Variants in ACKR4 observed in about 807,000 individuals in gnomAD.
The protein encoded by ACKR4 is atypical chemokine receptor 4.
In ACKR4, 2 loss-of-function variants were observed where a neutral mutation model predicts 8.5. That is an observed-to-expected ratio of 0.23 (90% confidence interval 0.10 to 0.74). The LOEUF (loss-of-function observed/expected upper bound fraction) is 0.74. Among genes scored for constraint, ACKR4 ranks in the 30% least tolerant of loss-of-function variants. ACKR4 has a pLI of 0.75. For missense variants in ACKR4, 167 were observed against 422.1 expected (o/e 0.40, Z 5.30); for synonymous variants, 67 against 145.0 (o/e 0.46, Z 3.86).
In ACKR4 at chr3:132,600,554, G is replaced by A. The variant is rs141021878; in HGVS notation, c.157G>A (p.Val53Ile). 73 of 1,613,918 alleles carry A rather than the reference G, an allele frequency of 4.5e-5. No individual in the cohort carries two copies. The highest frequency in any genetic ancestry group is 2.0e-4 in the South Asian group (18 of 91,078). ...FLPVFLTIVF[V>I]IGLAGNSMVV... Reference sequence around the variant, plus strand: ...CCCTGTATTCCTCACAATAGTTTTCGTCATTGGACTTGCAGGCAATTCCAT... The same window carrying A: ...CCCTGTATTCCTCACAATAGTTTTCATCATTGGACTTGCAGGCAATTCCAT... The change falls in exon 2 of 2, where the codon GTC (valine) becomes ATC (isoleucine). Residue 53 changes from valine (V) to isoleucine (I), a missense_variant. Physicochemically the swap from Val to Ile is conservative, Grantham distance 29. Coordinates refer to ENST00000249887, the MANE Select transcript of ACKR4 (RefSeq NM_016557.4).
Position 132,602,471 on chromosome 3 carries a change from T to C in ACKR4, c.*1021T>C, listed in dbSNP as rs2107824058. Among the ~76,000 whole-genome samples, 1 of 152,330 alleles carries C rather than the reference T, an allele frequency of 6.6e-6. No homozygotes were observed. The highest frequency in any genetic ancestry group is 6.5e-5 in the Admixed American group (1 of 15,306). On this transcript the variant is annotated 3_prime_UTR_variant, in exon 2 of 2. Coordinates refer to ENST00000249887, the MANE Select transcript of ACKR4 (RefSeq NM_016557.4). ...ACATTATCCCATGCATAAAATGTCC[T>C]ATTTTCATTTAAACACTTTATTTTT...
rs1211892504 is a variant in ACKR4, at chr3:132,600,823, T to A, written c.426T>A (p.Thr142=). 2.5e-6 allele frequency: 4 copies of A among 1,614,048 alleles called. No individual in the cohort carries two copies. Among genetic ancestry groups the A allele is most frequent in the Non-Finnish European group, 3.4e-6 (4 of 1,179,880 alleles). ...GCATAGACAGATATGTGGCAGTAACTAAAGTCCCCAGCCAATCAGGAGTGG... is the reference window on the plus strand; with the variant it reads ...GCATAGACAGATATGTGGCAGTAACAAAAGTCCCCAGCCAATCAGGAGTGG... ...CISIDRYVAV[T]KVPSQSGVGK... is the part of the protein sequence containing the mutation. Residue 142 remains threonine, a synonymous_variant, in exon 2 of 2, where the codon ACT becomes ACA. Coordinates refer to ENST00000249887, the MANE Select transcript of ACKR4 (RefSeq NM_016557.4).
At chr3:132,598,386 C>A (rs1258801168) in intron 1 of ACKR4, among the ~76,000 whole-genome samples, 4 of 152,174 alleles carry the variant, frequency 2.6e-5, no homozygotes, top group Non-Finnish European at 5.9e-5. Context: ...CAGCTTTATA[C>A]CTGTTGGCAA....
chr3:132,599,096 T>C (rs900484581), intron 1 of ACKR4, among the ~76,000 whole-genome samples: 2 of 152,178 alleles, frequency 1.3e-5, no homozygotes, highest in African/African-American at 4.8e-5. Context: ...GTAGATTGCT[T>C]GAGCCCAGGA....
intron 1 of ACKR4, among the ~76,000 whole-genome samples, chr3:132,597,584 C>A (rs1448776607): frequency 2.0e-5 from 3 of 151,844 alleles, no homozygotes; most frequent in African/African-American, 7.3e-5. Context: ...TTTTATTATA[C>A]CACTTTTTTT....
chr3:132,599,933 A>G (rs1418287118), intron 1 of ACKR4, among the ~76,000 whole-genome samples: 2 of 152,188 alleles, frequency 1.3e-5, no homozygotes, highest in Non-Finnish European at 2.9e-5. Context: ...ATTTAAATAA[A>G]CCAAGTAATT....
rs1467899278 is a variant in ACKR4 at position 132,601,926 on chromosome 3, T to C, written c.*476T>C. On this transcript the variant is annotated 3_prime_UTR_variant, in exon 2 of 2. Coordinates refer to ENST00000249887, the MANE Select transcript of ACKR4 (RefSeq NM_016557.4). ...TCTGTACCATCTTTGTAACTTCCTGTGAATTTATAATAATTTCAAAATAAA... is the reference window on the plus strand; with the variant it reads ...TCTGTACCATCTTTGTAACTTCCTGCGAATTTATAATAATTTCAAAATAAA... 5.7e-6 allele frequency: 1 copy of C among 175,610 alleles called. No homozygotes were observed. The highest frequency in any genetic ancestry group is 1.3e-5 in the Non-Finnish European group (1 of 74,218). 10.9% of individuals were successfully genotyped at this position (175,610 alleles called of 1,614,324 possible).
chr3:132,602,141 T>G lies in ACKR4; in HGVS notation c.*691T>G, dbSNP rs1938635033. ...ACTCCAACTATCTTTTTTCCTGTTT[T>G]TTTTAAATTTGTAAGTAATTTTATA... On this transcript the variant is annotated 3_prime_UTR_variant, in exon 2 of 2. Coordinates refer to ENST00000249887, the MANE Select transcript of ACKR4 (RefSeq NM_016557.4). The G allele has an allele frequency of 6.0e-6, 1 of 166,814 alleles. No homozygotes were observed. The highest frequency in any genetic ancestry group is 1.5e-5 in the Non-Finnish European group (1 of 68,042). The allele number at this position is 166,814 out of a possible 1,614,324, so 10.3% of individuals were successfully genotyped here.
chr3:132,599,053 C>T (rs898162366), intron 1 of ACKR4, among the ~76,000 whole-genome samples: 12 of 152,144 alleles, frequency 7.9e-5, no homozygotes, highest in African/African-American at 2.9e-4. Context: ...TGGCTCATGC[C>T]TGTTACTCCA....
chr3:132,599,690 AAG>A (rs1347893126), intron 1 of ACKR4, among the ~76,000 whole-genome samples: 1 of 152,120 alleles, frequency 6.6e-6, no homozygotes. Flanking sequence ...GGATGAAGGT[AAG>A]AGAGAAGACA....
intron 1 of ACKR4, among the ~76,000 whole-genome samples, chr3:132,597,871 G>A (rs544927424): frequency 1.1e-4 from 16 of 152,158 alleles, no homozygotes; most frequent in African/African-American, 3.6e-4. Flanking sequence ...AATAATTAAT[G>A]CATAAGAACA....
At chr3:132,599,303 C>A (rs957012454) in intron 1 of ACKR4, among the ~76,000 whole-genome samples, 1 of 151,736 alleles carries the variant, frequency 6.6e-6, no homozygotes, top group African/African-American at 2.4e-5. Context: ...GTCAGGAGTG[C>A]GAGAACAGTC....
chr3:132,600,441 A>G lies in ACKR4; in HGVS notation c.44A>G (p.Glu15Gly). The change falls in exon 2 of 2, where the codon GAA becomes GGA. Residue 15 changes from glutamate to glycine, a missense_variant. Transcript: ENST00000249887. ...QNQSTDYYYEENEMNGTYDYS... is the reference protein window; with the variant it reads ...QNQSTDYYYEGNEMNGTYDYS... ...CAGTCAACAGATTATTATTATGAGG[A>G]AAATGAAATGAATGGCACTTATGAC... 1.2e-6 allele frequency: 2 copies of G among 1,609,694 alleles called. No individual in the cohort carries two copies. Among genetic ancestry groups the G allele is most frequent in the Non-Finnish European group, 1.7e-6 (2 of 1,177,952 alleles).
At chr3:132,599,988 G>A (rs187380315) in intron 1 of ACKR4, among the ~76,000 whole-genome samples, 56 of 151,944 alleles carry the variant, frequency 3.7e-4, no homozygotes, top group Non-Finnish European at 7.5e-4. Flanking sequence ...ATACTTTTAC[G>A]ATTCACAAAA....
In ACKR4 at chr3:132,601,004, C is replaced by T; in HGVS notation, c.607C>T (p.Leu203=). ...GTSMKALIQM[L]EICIGFVVPF... is the part of the protein sequence containing the mutation. ...ATCAATGAAAGCATTGATTCAAATG[C>T]TAGAGATCTGCATTGGATTTGTAGT... Residue 203 remains leucine, a synonymous_variant, in exon 2 of 2, where the codon CTA becomes TTA. Coordinates refer to ENST00000249887, the MANE Select transcript of ACKR4 (RefSeq NM_016557.4). 1.9e-6 allele frequency: 3 copies of T among 1,613,648 alleles called. No individual in the cohort carries two copies. The highest frequency in any genetic ancestry group is 2.5e-6 in the Non-Finnish European group (3 of 1,179,766).
chr3:132,600,008 T>C (rs1316878946), intron 1 of ACKR4, among the ~76,000 whole-genome samples: 2 of 152,238 alleles, frequency 1.3e-5, no homozygotes, highest in Non-Finnish European at 2.9e-5. Context: ...ATTATGTATG[T>C]AAAGATTATA....
rs1221481797 is a variant in ACKR4 at position 132,600,960 on chromosome 3, T to C, written c.563T>C (p.Phe188Ser). The change falls in exon 2 of 2, where the codon TTC becomes TCC. Residue 188 changes from phenylalanine to serine, a missense_variant. Around this residue, in one of 2 missense-constraint regions of ACKR4, gnomAD observed 149 missense variants for 281.9 expected, o/e 0.53. Transcript: ENST00000249887. ...VNDNARCIPI[F>S]PRYLGTSMKA... ...GACAATGCTAGGTGCATTCCCATTT[T>C]CCCCCGCTACCTAGGAACATCAATG... is the stretch of plus-strand genomic sequence containing the variant. The C allele has an allele frequency of 4.3e-5, 69 of 1,612,250 alleles. No homozygotes were observed. In the East Asian group the frequency reaches 6.5e-4, roughly 15 times the overall value.
Position 132,602,451 on chromosome 3 carries a change from A to G in ACKR4, c.*1001A>G, listed in dbSNP as rs775170434. Among the ~76,000 whole-genome samples, 6 of 152,198 alleles carry G rather than the reference A, an allele frequency of 3.9e-5. No individual in the cohort carries two copies. The highest frequency in any genetic ancestry group is 8.8e-5 in the Non-Finnish European group (6 of 68,024). On this transcript the variant is annotated 3_prime_UTR_variant, in exon 2 of 2. Transcript: ENST00000249887. ...CTGCCGATTGACTAAAAAATACATT[A>G]TCCCATGCATAAAATGTCCTATTTT...
Position 132,600,318 on chromosome 3 carries a change from G to T in ACKR4, c.-9-71G>T, listed in dbSNP as rs1317349839. 2.1e-5 allele frequency: 28 copies of T among 1,311,012 alleles called. No individual in the cohort carries two copies. In the African/African-American group the frequency reaches 4.2e-4, roughly 20 times the overall value. 81.2% of individuals were successfully genotyped at this position (1,311,012 alleles called of 1,614,324 possible). A position where few individuals can be genotyped will look rare whatever the true frequency, so the allele number is the denominator to read the frequency against. On this transcript the variant is annotated intron_variant, in intron 1 of 1. Coordinates refer to ENST00000249887, the MANE Select transcript of ACKR4 (RefSeq NM_016557.4). The stretch of plus-strand genomic sequence containing the variant: ...TATACTCTAGGGAAAGAACAAAACA[G>T]CTTGATAAAAACTGTTTCCTTTTAA...
Sources: allele counts gnomAD v4.1 joint callset (sites outside exome capture counted in the v4.1 genomes callset), GRCh38; gene constraint gnomAD v4.1.1; regional missense constraint gnomAD v4.1.1; transcripts MANE v1.5; gene names NCBI Gene and HGNC (gene_info 2026-07-23, HGNC 2026-07-21).